Variants in NRXN1 observed in about 807,000 individuals in gnomAD.
NRXN1 encodes neurexin-1.
In NRXN1, 39 loss-of-function variants were observed where a neutral mutation model predicts 150.9. The observed-to-expected ratio is 0.26, with a 90% CI of 0.20 to 0.34. The LOEUF (loss-of-function observed/expected upper bound fraction) is 0.34, where lower values mean the gene tolerates loss of function less well. Ranked by LOEUF, NRXN1 falls within the 10% of genes least tolerant of loss-of-function variation. The pLI is 1.00. For missense variants in NRXN1, 1,815 were observed against 1,949.9 expected (o/e 0.93, Z 1.30); for synonymous variants, 924 against 757.0 (o/e 1.22, Z -3.62).
chr2:50,206,655 C>T (rs73930313), intron 18 of NRXN1, among the ~76,000 whole-genome samples: 2,956 of 152,048 alleles, frequency 0.019, 98 homozygotes, highest in African/African-American at 0.068. Flanking sequence ...CTCAGGTTGA[C>T]AATCTGAAAC....
At chr2:50,998,929 T>C (rs192066608) in intron 2 of NRXN1, among the ~76,000 whole-genome samples, 9 of 152,174 alleles carry the variant, frequency 5.9e-5, no homozygotes, top group African/African-American at 2.2e-4. Flanking sequence ...TTGAAATACA[T>C]TAAGTATTCA....
intron 5 of NRXN1, among the ~76,000 whole-genome samples, chr2:50,894,242 TAATAAATA>T (rs202034347): frequency 1.4e-3 from 197 of 142,374 alleles, no homozygotes; most frequent in African/African-American, 4.2e-3. Context: ...AGTATAATAA[TAATAAATA>T]AATAAATAAA....
chr2:50,410,009 C>T (rs545337935), intron 17 of NRXN1, among the ~76,000 whole-genome samples: 2 of 152,262 alleles, frequency 1.3e-5, no homozygotes, highest in South Asian at 2.1e-4. Flanking sequence ...ACATTCCCTA[C>T]GTGAACCCTT....
intron 18 of NRXN1, among the ~76,000 whole-genome samples, chr2:50,191,538 T>C (rs2061443699): frequency 1.3e-5 from 2 of 152,152 alleles, no homozygotes; most frequent in African/African-American, 4.8e-5. Context: ...GATTCCATCA[T>C]CATAAGGATC....
intron 5 of NRXN1, among the ~76,000 whole-genome samples, chr2:50,754,295 T>G (rs988640632): frequency 2.6e-5 from 4 of 151,840 alleles, no homozygotes; most frequent in African/African-American, 9.7e-5. Context: ...TATACACACA[T>G]CCTCTTATTA....
chr2:50,506,073 G>T (rs1445877610), intron 13 of NRXN1, among the ~76,000 whole-genome samples: 2 of 152,034 alleles, frequency 1.3e-5, no homozygotes, highest in African/African-American at 4.8e-5. Flanking sequence ...TCATCTGAAA[G>T]CCAGATAGAT....
intron 21 of NRXN1, among the ~76,000 whole-genome samples, chr2:49,986,544 A>G (rs1369434522): frequency 6.6e-6 from 1 of 152,200 alleles, no homozygotes; most frequent in Non-Finnish European, 1.5e-5. Flanking sequence ...TAGTCTTTAA[A>G]AAATTCCACT....
Position 50,533,150 on chromosome 2 carries a change from T to A in NRXN1, c.2144-1720A>T, listed in dbSNP as rs150776991. On this transcript the variant is annotated intron_variant, in intron 10 of 22. Coordinates refer to ENST00000401669, the MANE Select transcript of NRXN1 (RefSeq NM_001330078.2). ...AACCAGAACCTCTCTAAGCACTGAG[T>A]GTTCCAGGTCTCCCTGCTTAGGTTA... Among the ~76,000 whole-genome samples, 566 of 152,260 alleles carry A rather than the reference T, an allele frequency of 3.7e-3. 3 individuals carry two copies. Among genetic ancestry groups the A allele is most frequent in the Non-Finnish European group, 5.7e-3 (389 of 68,024 alleles).
chr2:49,986,619 A>C (rs1399013756), intron 21 of NRXN1, among the ~76,000 whole-genome samples: 1 of 152,222 alleles, frequency 6.6e-6, no homozygotes, highest in African/African-American at 2.4e-5. Flanking sequence ...GACATATAAT[A>C]ACTACATATT....
At chr2:50,205,156 A>G (rs1338902913) in intron 18 of NRXN1, among the ~76,000 whole-genome samples, 1 of 152,122 alleles carries the variant, frequency 6.6e-6, no homozygotes, top group African/African-American at 2.4e-5. Context: ...TACTGAAATT[A>G]AGAATCAGAC....
chr2:50,597,294 T>C (rs1404555982), intron 8 of NRXN1, among the ~76,000 whole-genome samples: 1 of 152,136 alleles, frequency 6.6e-6, no homozygotes, highest in African/African-American at 2.4e-5. Flanking sequence ...AACCTTTGAA[T>C]GATGTGTCAG....
intron 12 of NRXN1, among the ~76,000 whole-genome samples, chr2:50,507,197 T>C (rs528400980): frequency 2.0e-5 from 3 of 152,204 alleles, no homozygotes; most frequent in African/African-American, 7.2e-5. Flanking sequence ...GCTCAACACG[T>C]TCTTAGGTTC....
chr2:49,957,584 G>A (rs905229837), intron 21 of NRXN1, among the ~76,000 whole-genome samples: 18 of 152,078 alleles, frequency 1.2e-4, no homozygotes, highest in South Asian at 8.3e-4. Flanking sequence ...ATAGGACAGC[G>A]CTTGTAAAAG....
At chr2:50,225,025 C>A (rs2064238118) in intron 18 of NRXN1, among the ~76,000 whole-genome samples, 1 of 151,946 alleles carries the variant, frequency 6.6e-6, no homozygotes, top group Admixed American at 6.6e-5. Context: ...AAAAGTCTTC[C>A]TTTCATAAGA....
At chr2:50,141,257 T>C (rs1231874983) in intron 18 of NRXN1, among the ~76,000 whole-genome samples, 1 of 152,140 alleles carries the variant, frequency 6.6e-6, no homozygotes, top group Non-Finnish European at 1.5e-5. Flanking sequence ...GATATCTATA[T>C]GCAGAAGAAT....
At chr2:50,583,867 A>G (rs992109234) in intron 8 of NRXN1, among the ~76,000 whole-genome samples, 1 of 152,220 alleles carries the variant, frequency 6.6e-6, no homozygotes, top group African/African-American at 2.4e-5. Context: ...ACATAAAATT[A>G]TTACAAGTAT....
At chr2:50,919,571 G>A (rs1468330552) in intron 5 of NRXN1, 1 of 151,398 alleles carries the variant, frequency 6.6e-6, no homozygotes, top group Non-Finnish European at 1.5e-5. Context: ...TCACACAAGA[G>A]AAAAGTGGGG....
intron 19 of NRXN1, among the ~76,000 whole-genome samples, chr2:50,090,500 T>C (rs968760842): frequency 2.6e-5 from 4 of 152,094 alleles, no homozygotes; most frequent in African/African-American, 9.7e-5. Flanking sequence ...GAGACGATAA[T>C]GATTGCAGTA....
At chr2:50,462,675 A>C (rs566836767) in intron 17 of NRXN1, among the ~76,000 whole-genome samples, 1 of 151,988 alleles carries the variant, frequency 6.6e-6, no homozygotes, top group East Asian at 1.9e-4. Flanking sequence ...GAAAGGGTTT[A>C]ACAAACATTT....
Sources: allele counts gnomAD v4.1 joint callset (sites outside exome capture counted in the v4.1 genomes callset), GRCh38; gene constraint gnomAD v4.1.1; transcripts MANE v1.5; gene names NCBI Gene and HGNC (gene_info 2026-07-23, HGNC 2026-07-21).